Variants in TARM1 observed in about 807,000 individuals in gnomAD.
TARM1 encodes T cell-interacting, activating receptor on myeloid cells 1.
Under a neutral mutation model 30.4 loss-of-function variants are expected in TARM1, and 24 were observed. That is an observed-to-expected ratio of 0.79 (90% confidence interval 0.57 to 1.11). The LOEUF (loss-of-function observed/expected upper bound fraction) is 1.11. TARM1 is among the 50% of genes least tolerant of loss of function. The probability of loss-of-function intolerance (pLI) is 0.00; values close to 1 mark genes in which losing one functional copy is unlikely to be tolerated. For missense variants in TARM1, 323 were observed against 332.8 expected, an observed-to-expected ratio of 0.97 and a Z score of 0.23; for synonymous variants, 129 against 138.9, an observed-to-expected ratio of 0.93 and a Z score of 0.50.
chr19:54,070,095 C>A lies in TARM1; in HGVS notation c.724G>T (p.Val242Leu). The change falls in exon 5 of 5, where the codon GTA becomes TTA. Residue 242 changes from valine (V) to leucine (L), a missense_variant. Physicochemically the swap from Val to Leu is conservative, Grantham distance 32. Coordinates refer to ENST00000432826, the MANE Select transcript of TARM1 (RefSeq NM_001135686.3). ...GNFVRLGLAA[V>L]IVVIMGAFLV... Reference sequence around the variant, plus strand: ...AAAGCTCCCATGATAACCACAATTACGGCAGCCAGACCCAGTCGTACGAAG... The same window carrying A: ...AAAGCTCCCATGATAACCACAATTAAGGCAGCCAGACCCAGTCGTACGAAG... 6 of 1,551,608 alleles carry A rather than the reference C, an allele frequency of 3.9e-6. No individual in the cohort carries two copies. Among genetic ancestry groups the A allele is most frequent in the Non-Finnish European group, 5.2e-6 (6 of 1,146,980 alleles).
chr19:54,080,420 T>C (rs2146230414), intron 1 of TARM1, among the ~76,000 whole-genome samples: 2 of 132,976 alleles, frequency 1.5e-5, no homozygotes, highest in East Asian at 4.5e-4. Flanking sequence ...ATCGCACCAC[T>C]GCACTCCAGC....
rs761174781 is a variant in TARM1, at chr19:54,074,905, C to T, written c.280G>A (p.Glu94Lys). 26 of 1,551,524 alleles carry T rather than the reference C, an allele frequency of 1.7e-5. No individual in the cohort carries two copies. Among genetic ancestry groups the T allele is most frequent in the Non-Finnish European group, 2.2e-5 (25 of 1,146,996 alleles). ...TTTCTGTAGTATTCACAGGTGTACTCTCCAGCATTTCTGACTTTTAGATTA... is the reference window on the plus strand; with the variant it reads ...TTTCTGTAGTATTCACAGGTGTACTTTCCAGCATTTCTGACTTTTAGATTA... ...LNNLKVRNAG[E>K]YTCEYYRKAS... is the part of the protein sequence containing the mutation. The change falls in exon 3 of 5, where the codon GAG (glutamate) becomes AAG (lysine). Residue 94 changes from glutamate (E) to lysine (K), a missense_variant. Transcript: ENST00000432826.
At position 54,073,950 on chromosome 19, in the gene TARM1, G is replaced by C. The variant is rs150169841; in HGVS notation, c.628C>G (p.Pro210Ala). 9.7e-6 allele frequency: 15 copies of C among 1,551,560 alleles called. No individual in the cohort carries two copies. Among genetic ancestry groups the C allele is most frequent in the Non-Finnish European group, 1.2e-5 (14 of 1,147,000 alleles). ...ACCAATATCTCAAGCTGATCACTGG[G>C]TTCTGAGGCCCAGAAGGGAGACTTT... Reference protein sequence around the residue: ...QTKSPFWASEPSDQLEILVTV... With the variant: ...QTKSPFWASEASDQLEILVTV... Residue 210 changes from proline to alanine, a missense_variant, in exon 4 of 5, where the codon CCC becomes GCC. Physicochemically the swap from Pro to Ala is conservative, Grantham distance 27. Transcript: ENST00000432826.
Position 54,075,880 on chromosome 19 carries a change from C to T in TARM1, c.70+3G>A. Reference sequence around the variant, plus strand: ...AGGAGGGTGTAGTTGAAGAAACACTCACCATCTCCCCTTGTGTCTCCTTGG... The same window carrying T: ...AGGAGGGTGTAGTTGAAGAAACACTTACCATCTCCCCTTGTGTCTCCTTGG... On this transcript the variant is annotated splice_donor_region_variant and intron_variant, in intron 2 of 4. Coordinates refer to ENST00000432826, the MANE Select transcript of TARM1 (RefSeq NM_001135686.3). The T allele has an allele frequency of 1.3e-6, 2 of 1,551,388 alleles. No homozygotes were observed. The highest frequency in any genetic ancestry group is 1.7e-6 in the Non-Finnish European group (2 of 1,146,956).
intron 1 of TARM1, among the ~76,000 whole-genome samples, chr19:54,080,491 GAAGGGAGGAAGGAA>G (rs2072098842): frequency 1.2e-5 from 1 of 82,426 alleles, no homozygotes; most frequent in South Asian, 5.7e-4. Flanking sequence ...AGAGAGGAAG[GAAGGGAGGAAGGAA>G]GGAAGGAAGG....
intron 4 of TARM1, among the ~76,000 whole-genome samples, chr19:54,072,143 C>G (rs1336313790): frequency 6.6e-6 from 1 of 151,258 alleles, no homozygotes; most frequent in Non-Finnish European, 1.5e-5. Context: ...GAGCCGAGAT[C>G]GCGCCACTGC....
chr19:54,080,406 A>C (rs1387984011), intron 1 of TARM1, among the ~76,000 whole-genome samples: 40 of 145,822 alleles, frequency 2.7e-4, no homozygotes, highest in Admixed American at 2.4e-3. Context: ...TGCAGTGAGC[A>C]GAGATCGCAC....
rs1369748938 is a variant in TARM1, at chr19:54,074,189, G to A, written c.389C>T (p.Thr130Ile). The change falls in exon 4 of 5, where the codon ACC (threonine) becomes ATC (isoleucine). Residue 130 changes from threonine (T) to isoleucine (I), a missense_variant. By Grantham distance (89) the Thr-to-Ile change is moderately conservative. Coordinates refer to ENST00000432826, the MANE Select transcript of TARM1 (RefSeq NM_001135686.3). ...TGCGGTCACTGTACCCCTTTGGTAG[G>A]TTCGGAGGAAAGGTTTAGATAAATG... Reference protein sequence around the residue: ...TGHLSKPFLRTYQRGTVTAGG... With the variant: ...TGHLSKPFLRIYQRGTVTAGG... The A allele has an allele frequency of 6.4e-7, 1 of 1,551,628 alleles. No homozygotes were observed. Among genetic ancestry groups the A allele is most frequent in the Middle Eastern group, 1.7e-4 (1 of 5,988 alleles).
chr19:54,080,337 A>G (rs1392314390), intron 1 of TARM1, among the ~76,000 whole-genome samples: 1 of 150,756 alleles, frequency 6.6e-6, no homozygotes, highest in Non-Finnish European at 1.5e-5. Context: ...GGGCGCCTGT[A>G]GTCCCAGCTA....
At position 54,074,013 on chromosome 19, in the gene TARM1, C is replaced by T. The variant is rs587722980; in HGVS notation, c.565G>A (p.Gly189Ser). 1.3e-3 allele frequency: 2,076 copies of T among 1,551,634 alleles called. 15 individuals carry two copies. In the South Asian group the frequency reaches 0.018, roughly 13 times the overall value. The change falls in exon 4 of 5, where the codon GGC becomes AGC. Residue 189 changes from glycine (G) to serine (S), a missense_variant. Transcript: ENST00000432826. ...IDFSLVDVTA[G>S]DAGNYSCMYY... ...ATGCAGCTGTAGTTCCCAGCATCGC[C>T]GGCTGTCACGTCCACCAGAGAGAAG...
Position 54,074,220 on chromosome 19 carries a change from T to TA in TARM1, c.362-5dup. 1 of 1,548,552 alleles carries TA rather than the reference T, an allele frequency of 6.5e-7. No individual in the cohort carries two copies. Among genetic ancestry groups the TA allele is most frequent in the South Asian group, 1.2e-5 (1 of 84,008 alleles). ...AGGAAAGGTTTAGATAAATGTCCTG[T>TA]AAGAGAAGTCAGGTTCTGAGGTCCT... On this transcript the variant is annotated splice_region_variant and splice_polypyrimidine_tract_variant and intron_variant, in intron 3 of 4. Transcript: ENST00000432826.
In TARM1 at chr19:54,080,330, C is replaced by T. The variant is rs1334187725; in HGVS notation, c.34+977G>A. Among the ~76,000 whole-genome samples the T allele has an allele frequency of 6.0e-5, 9 of 150,282 alleles. No individual in the cohort carries two copies. The South Asian group carries it at 1.1e-3, about 18-fold the overall frequency. The stretch of plus-strand genomic sequence containing the variant: ...GAAAAAAGCCGGGCATGGTGGCGGG[C>T]GCCTGTAGTCCCAGCTACTCGGGAG... On this transcript the variant is annotated intron_variant, in intron 1 of 4. Coordinates refer to ENST00000432826, the MANE Select transcript of TARM1 (RefSeq NM_001135686.3).
At chr19:54,070,589 C>A (rs1473216614) in intron 4 of TARM1, among the ~76,000 whole-genome samples, 2 of 151,164 alleles carry the variant, frequency 1.3e-5, no homozygotes, top group East Asian at 3.9e-4. Flanking sequence ...GCCAGTAGTC[C>A]ACTGTACTTT....
chr19:54,080,136 G>GAAGAAAGAAAGAAAGAAAGA (rs1162895891), intron 1 of TARM1, among the ~76,000 whole-genome samples: 1 of 63,778 alleles, frequency 1.6e-5, no homozygotes, highest in African/African-American at 5.7e-5. Context: ...AGGAAGGAAG[G>GAAGAAAGAAAGAAAGAAAGA]AAGAAAGCAA....
rs1207295504 is a variant in TARM1 at position 54,076,051 on chromosome 19, A to C, written c.35-133T>G. ...AGAGGTCATACGCTCAGGAGTTCTC[A>C]TTCTCCCCACACTGGACTGTGGCTT... On this transcript the variant is annotated intron_variant, in intron 1 of 4. Coordinates refer to ENST00000432826, the MANE Select transcript of TARM1 (RefSeq NM_001135686.3). 1.7e-5 allele frequency: 25 copies of C among 1,437,182 alleles called. 1 individual carries two copies. Among genetic ancestry groups the C allele is most frequent in the Non-Finnish European group, 2.2e-5 (24 of 1,072,078 alleles). 89.0% of individuals were successfully genotyped at this position (1,437,182 alleles called of 1,614,324 possible).
intron 4 of TARM1, 72 bp downstream of exon 4, chr19:54,073,848 T>C: frequency 6.8e-7 from 1 of 1,472,940 alleles, no homozygotes; most frequent in Non-Finnish European, 9.2e-7. Flanking sequence ...AGAAATGAGA[T>C]TCACAGAAGA....
intron 4 of TARM1, among the ~76,000 whole-genome samples, chr19:54,073,653 C>G (rs1222647596): frequency 6.6e-6 from 1 of 151,578 alleles, no homozygotes; most frequent in Non-Finnish European, 1.5e-5. Flanking sequence ...GCCATCATAC[C>G]TGGCTAATTT....
At chr19:54,080,496 GAGGAAGGAAGGAAGGAAGGA>G (rs58067817) in intron 1 of TARM1, among the ~76,000 whole-genome samples, 27 of 107,416 alleles carry the variant, frequency 2.5e-4, no homozygotes, top group African/African-American at 4.0e-4. Context: ...GGAAGGAAGG[GAGGAAGGAAGGAAGGAAGGA>G]AGGAAGGAAG....
Position 54,076,149 on chromosome 19 carries a change from C to T in TARM1, c.35-231G>A, listed in dbSNP as rs140442176. On this transcript the variant is annotated intron_variant, in intron 1 of 4. Coordinates refer to ENST00000432826, the MANE Select transcript of TARM1 (RefSeq NM_001135686.3). ...CCATCCTGTGTGGCTGTCACCTCCC[C>T]CTGCTCCAGGCCTTTCCCACAAATC... The T allele has an allele frequency of 1.2e-5, 18 of 1,485,138 alleles. No homozygotes were observed. In the African/African-American group the frequency reaches 1.4e-4, roughly 12 times the overall value. The allele number at this position is 1,485,138 out of a possible 1,614,324, so 92.0% of individuals were successfully genotyped here.
Sources: gnomAD v4.1 joint callset for allele counts (sites outside exome capture counted in the v4.1 genomes callset) on GRCh38, gnomAD v4.1.1 for gene constraint, MANE v1.5 for transcripts, NCBI Gene and HGNC (gene_info 2026-07-23, HGNC 2026-07-21) for gene names.